The following AGPAT4 variants were observed in gnomAD, a reference collection of about 807,000 sequenced individuals.
The protein encoded by AGPAT4 is 1-acylglycerol-3-phosphate O-acyltransferase 4, also known as 1-acyl-sn-glycerol-3-phosphate acyltransferase delta.
Under a neutral mutation model 48.0 loss-of-function variants are expected in AGPAT4, and 15 were observed. The ratio of observed to expected loss-of-function variants is 0.31; its 90% confidence interval spans 0.21 to 0.48. AGPAT4 has a LOEUF of 0.48. AGPAT4 is among the 20% of genes least tolerant of loss of function. AGPAT4 has a pLI of 0.99. For missense variants in AGPAT4, 314 were observed against 482.5 expected, an observed-to-expected ratio of 0.65 and a Z score of 3.27; for synonymous variants, 178 against 198.7, an observed-to-expected ratio of 0.90 and a Z score of 0.88.
At chr6:161,252,783 C>G (rs986303796) in intron 1 of AGPAT4, among the ~76,000 whole-genome samples, 6 of 152,084 alleles carry the variant, frequency 3.9e-5, no homozygotes, top group African/African-American at 1.4e-4. Context: ...GCATTCCAGC[C>G]TGGGTGACAC....
At position 161,218,393 on chromosome 6, in the gene AGPAT4, T is replaced by C. The variant is rs1332368383; in HGVS notation, c.178+13643A>G. ...ATTACCAGAGCTCCCTTTTAAAACATGCACGACTCCCTCTGCTGGCATGAT... is the reference window on the plus strand; with the variant it reads ...ATTACCAGAGCTCCCTTTTAAAACACGCACGACTCCCTCTGCTGGCATGAT... On this transcript the variant is annotated intron_variant, in intron 2 of 8. Coordinates refer to ENST00000320285, the MANE Select transcript of AGPAT4 (RefSeq NM_020133.3). This position sits in a 1 kb window ranked among gnomAD's most constrained non-coding sequence, Gnocchi z 4.7. Among the ~76,000 whole-genome samples the C allele has an allele frequency of 1.3e-5, 2 of 152,224 alleles. No individual in the cohort carries two copies. Among genetic ancestry groups the C allele is most frequent in the Non-Finnish European group, 2.9e-5 (2 of 68,044 alleles).
At chr6:161,213,529 T>C (rs946547640) in intron 2 of AGPAT4, among the ~76,000 whole-genome samples, 2 of 152,214 alleles carry the variant, frequency 1.3e-5, no homozygotes, top group African/African-American at 4.8e-5. Context: ...TTCCTTTTTT[T>C]CCCAATTTTT....
intron 2 of AGPAT4, among the ~76,000 whole-genome samples, chr6:161,175,065 A>G (rs1442190694): frequency 1.3e-5 from 2 of 151,924 alleles, no homozygotes; most frequent in Non-Finnish European, 2.9e-5. Flanking sequence ...TTTTATGGAG[A>G]ATTTTTGCAT....
In AGPAT4 at chr6:161,216,575, T is replaced by C. The variant is rs77706115; in HGVS notation, c.178+15461A>G. Among the ~76,000 whole-genome samples the C allele has an allele frequency of 8.5e-3, 1,294 of 152,230 alleles. 22 individuals carry two copies. The highest frequency in any genetic ancestry group is 0.029 in the African/African-American group (1,211 of 41,528). On this transcript the variant is annotated intron_variant, in intron 2 of 8. Coordinates refer to ENST00000320285, the MANE Select transcript of AGPAT4 (RefSeq NM_020133.3). This position sits in a 1 kb window ranked among gnomAD's most constrained non-coding sequence, Gnocchi z 4.8. ...AGCACTCTCTTAATTCAGATGATTT[T>C]CCCCAGTGTCCGTTTTCACACTGCT...
rs1190425375 is a variant in AGPAT4 at position 161,230,233 on chromosome 6, TC to T, written c.178+1802del. On this transcript the variant is annotated intron_variant, in intron 2 of 8. Transcript: ENST00000320285. ...TACTCTTGTGGACTCTGATTCCAAATCCTGTTTCTTATTTCTTAACTCCAAA... is the reference window on the plus strand; with the variant it reads ...TACTCTTGTGGACTCTGATTCCAAATCTGTTTCTTATTTCTTAACTCCAAA... 3.9e-5 allele frequency among the ~76,000 whole-genome samples: 6 copies of T among 152,318 alleles called. No individual in the cohort carries two copies. In the South Asian group the frequency reaches 1.0e-3, roughly 26 times the overall value.
rs749013 is a variant in AGPAT4, at chr6:161,149,171, A to C, written c.767+16T>G. The C allele has an allele frequency of 1.9e-6, 3 of 1,608,684 alleles. No individual in the cohort carries two copies. Among genetic ancestry groups the C allele is most frequent in the Non-Finnish European group, 2.5e-6 (3 of 1,178,500 alleles). ...ATGGGCACTGTCTTTTCTGGAAAGG[A>C]AACAGTTCGACTTACCTAACATACA... On this transcript the variant is annotated intron_variant, in intron 6 of 8. Coordinates refer to ENST00000320285, the MANE Select transcript of AGPAT4 (RefSeq NM_020133.3). This position sits in a 1 kb window ranked among gnomAD's most constrained non-coding sequence, Gnocchi z 6.5.
Position 161,198,780 on chromosome 6 carries a change from G to C in AGPAT4, c.179-32363C>G, listed in dbSNP as rs1036145942. On this transcript the variant is annotated intron_variant, in intron 2 of 8. Coordinates refer to ENST00000320285, the MANE Select transcript of AGPAT4 (RefSeq NM_020133.3). This position sits in a 1 kb window ranked among gnomAD's most constrained non-coding sequence, Gnocchi z 4.3. ...TTTCCTTTACACTGACGGAGTGCGT[G>C]AATGTTAACAGGGAAACTGACCTGG... 6.6e-6 allele frequency among the ~76,000 whole-genome samples: 1 copy of C among 152,162 alleles called. No homozygotes were observed. The highest frequency in any genetic ancestry group is 2.4e-5 in the African/African-American group (1 of 41,426).
Position 161,196,113 on chromosome 6 carries a change from T to C in AGPAT4, c.179-29696A>G, listed in dbSNP as rs1207811189. Among the ~76,000 whole-genome samples the C allele has an allele frequency of 6.6e-6, 1 of 152,162 alleles. No homozygotes were observed. The highest frequency in any genetic ancestry group is 1.5e-5 in the Non-Finnish European group (1 of 68,024). ...GACAGAAATATAACCCTGACCTCTT[T>C]CTAGAATGGTGTGGTTCGCCATCTT... On this transcript the variant is annotated intron_variant, in intron 2 of 8. Coordinates refer to ENST00000320285, the MANE Select transcript of AGPAT4 (RefSeq NM_020133.3). The surrounding 1 kb of genome is among the most constrained non-coding windows in gnomAD (Gnocchi z 4.3).
rs1782440473 is a variant in AGPAT4 at position 161,240,118 on chromosome 6, G to T, written c.-89-7816C>A. 6.6e-6 allele frequency among the ~76,000 whole-genome samples: 1 copy of T among 151,728 alleles called. No homozygotes were observed. Among genetic ancestry groups the T allele is most frequent in the Admixed American group, 6.6e-5 (1 of 15,242 alleles). ...ATACATTTTCATTATGATATTAAGT[G>T]ACAGGATACAAAATCATGTGGAGAA... is the stretch of plus-strand genomic sequence containing the variant. On this transcript the variant is annotated intron_variant, in intron 1 of 8. Coordinates refer to ENST00000320285, the MANE Select transcript of AGPAT4 (RefSeq NM_020133.3). The surrounding 1 kb of genome is among the most constrained non-coding windows in gnomAD (Gnocchi z 5.5).
chr6:161,136,250 T>A lies in AGPAT4; in HGVS notation c.*290A>T. 3.0e-5 allele frequency: 11 copies of A among 367,842 alleles called. No homozygotes were observed. Among genetic ancestry groups the A allele is most frequent in the Non-Finnish European group, 4.6e-5 (9 of 196,584 alleles). The allele number at this position is 367,842 out of a possible 1,614,324, so 22.8% of individuals were successfully genotyped here. On this transcript the variant is annotated 3_prime_UTR_variant, in exon 9 of 9. Coordinates refer to ENST00000320285, the MANE Select transcript of AGPAT4 (RefSeq NM_020133.3). ...CCCTGCCCTCCCCTGCAGCCTAAAA[T>A]ACCCTTTCTATGATCACAGAACAAA...
rs1037773760 is a variant in AGPAT4, at chr6:161,238,540, T to C, written c.-89-6238A>G. On this transcript the variant is annotated intron_variant, in intron 1 of 8. Coordinates refer to ENST00000320285, the MANE Select transcript of AGPAT4 (RefSeq NM_020133.3). The surrounding 1 kb of genome is among the most constrained non-coding windows in gnomAD (Gnocchi z 5.2). Reference sequence around the variant, plus strand: ...CCCCATATGTTTTCATTCTAACCTATACTTTTCTGCTAGTGACTCAGAAAT... The same window carrying C: ...CCCCATATGTTTTCATTCTAACCTACACTTTTCTGCTAGTGACTCAGAAAT... 2.0e-5 allele frequency among the ~76,000 whole-genome samples: 3 copies of C among 152,236 alleles called. No individual in the cohort carries two copies. Among genetic ancestry groups the C allele is most frequent in the Admixed American group, 1.3e-4 (2 of 15,286 alleles).
Position 161,212,724 on chromosome 6 carries a change from A to C in AGPAT4, c.178+19312T>G, listed in dbSNP as rs1297117398. Among the ~76,000 whole-genome samples the C allele has an allele frequency of 6.6e-6, 1 of 152,174 alleles. No homozygotes were observed. The highest frequency in any genetic ancestry group is 1.5e-5 in the Non-Finnish European group (1 of 68,028). On this transcript the variant is annotated intron_variant, in intron 2 of 8. Transcript: ENST00000320285. This position sits in a 1 kb window ranked among gnomAD's most constrained non-coding sequence, Gnocchi z 6.1. ...GTCAATTGTGTCTTTCACTATGGCT[A>C]CCCTAATACATTTTGTCATCCATGG...
At chr6:161,248,716 A>G (rs1208310902) in intron 1 of AGPAT4, among the ~76,000 whole-genome samples, 7 of 152,146 alleles carry the variant, frequency 4.6e-5, no homozygotes, top group South Asian at 2.1e-4. Flanking sequence ...GGATAGGAAG[A>G]ATCAATATCG....
In AGPAT4 at chr6:161,221,688, C is replaced by G. The variant is rs1781839103; in HGVS notation, c.178+10348G>C. Among the ~76,000 whole-genome samples the G allele has an allele frequency of 2.0e-5, 3 of 152,092 alleles. No individual in the cohort carries two copies. The highest frequency in any genetic ancestry group is 1.5e-5 in the Non-Finnish European group (1 of 68,016). ...GTTCTGGATTCCAGGAACCTCAGAT[C>G]GGGGTGTTAGCAGGGTTGGTTCCTT... On this transcript the variant is annotated intron_variant, in intron 2 of 8. Coordinates refer to ENST00000320285, the MANE Select transcript of AGPAT4 (RefSeq NM_020133.3). The surrounding 1 kb of genome is among the most constrained non-coding windows in gnomAD (Gnocchi z 4.5).
rs1049521044 is a variant in AGPAT4 at position 161,235,139 on chromosome 6, C to T, written c.-89-2837G>A. On this transcript the variant is annotated intron_variant, in intron 1 of 8. Coordinates refer to ENST00000320285, the MANE Select transcript of AGPAT4 (RefSeq NM_020133.3). The surrounding 1 kb of genome is among the most constrained non-coding windows in gnomAD (Gnocchi z 6.2). ...TTGAGAGTTCAACTGCCCAAGTTTG[C>T]AGCTCTGCCCTGTCTCTTATTAGTT... Among the ~76,000 whole-genome samples the T allele has an allele frequency of 6.6e-6, 1 of 152,106 alleles. No homozygotes were observed. The highest frequency in any genetic ancestry group is 1.5e-5 in the Non-Finnish European group (1 of 68,024).
chr6:161,261,608 C>T lies in AGPAT4; in HGVS notation c.-90+12330G>A, dbSNP rs1004896298. 5.3e-5 allele frequency among the ~76,000 whole-genome samples: 8 copies of T among 152,176 alleles called. No homozygotes were observed. Among genetic ancestry groups the T allele is most frequent in the African/African-American group, 1.4e-4 (6 of 41,462 alleles). On this transcript the variant is annotated intron_variant, in intron 1 of 8. Transcript: ENST00000320285. The surrounding 1 kb of genome is among the most constrained non-coding windows in gnomAD (Gnocchi z 5.3). ...AAGGCATCATCATTAACAAAGCCAA[C>T]GGAGGGATATTTTACCTTCCACAAA...
In AGPAT4 at chr6:161,236,740, C is replaced by CAAG. The variant is rs1554238664; in HGVS notation, c.-89-4439_-89-4438insCTT. 6.4e-5 allele frequency among the ~76,000 whole-genome samples: 9 copies of CAAG among 140,368 alleles called. No homozygotes were observed. Among genetic ancestry groups the CAAG allele is most frequent in the African/African-American group, 2.4e-4 (9 of 37,836 alleles). The allele number at this position is 140,368 out of a possible 152,430, so 92.1% of individuals were successfully genotyped here. ...TGAAACCCCATCTCCACTAAAAATA[C>CAAG]AAAAAAAAAAAAATAGCTGGATGTG... On this transcript the variant is annotated intron_variant, in intron 1 of 8. Coordinates refer to ENST00000320285, the MANE Select transcript of AGPAT4 (RefSeq NM_020133.3). This position sits in a 1 kb window ranked among gnomAD's most constrained non-coding sequence, Gnocchi z 5.0.
intron 2 of AGPAT4, among the ~76,000 whole-genome samples, chr6:161,190,001 C>T (rs1405957277): frequency 3.3e-5 from 5 of 152,202 alleles, no homozygotes; most frequent in Admixed American, 6.5e-5. Context: ...ATGCACCTTA[C>T]GGTCAATGAC....
rs555838054 is a variant in AGPAT4 at position 161,234,665 on chromosome 6, T to C, written c.-89-2363A>G. On this transcript the variant is annotated intron_variant, in intron 1 of 8. Coordinates refer to ENST00000320285, the MANE Select transcript of AGPAT4 (RefSeq NM_020133.3). The surrounding 1 kb of genome is among the most constrained non-coding windows in gnomAD (Gnocchi z 4.4). ...TGTTCATTGTCCCCGGATTAGCCAC[T>C]AATAGCGTCAAGACAATCTGGCCAG... is the stretch of plus-strand genomic sequence containing the variant. Among the ~76,000 whole-genome samples, 2 of 152,262 alleles carry C rather than the reference T, an allele frequency of 1.3e-5. No homozygotes were observed. Among genetic ancestry groups the C allele is most frequent in the South Asian group, 4.2e-4 (2 of 4,818 alleles).
Sources: allele counts gnomAD v4.1 joint callset (sites outside exome capture counted in the v4.1 genomes callset), GRCh38; gene constraint gnomAD v4.1.1; non-coding constraint Gnocchi (gnomAD v3.1); transcripts MANE v1.5; gene names NCBI Gene and HGNC (gene_info 2026-07-23, HGNC 2026-07-21).